Variants in CCDC186 observed in about 807,000 individuals in gnomAD.
The protein encoded by CCDC186 is coiled-coil domain containing 186.
Under a neutral mutation model 113.7 loss-of-function variants are expected in CCDC186, and 49 were observed. The observed-to-expected ratio is 0.43, with a 90% CI of 0.34 to 0.55. The LOEUF is 0.55. Among genes scored for constraint, CCDC186 ranks in the 20% least tolerant of loss-of-function variants. The probability of loss-of-function intolerance (pLI) is 0.02; values close to 1 mark genes in which losing one functional copy is unlikely to be tolerated. For missense variants in CCDC186, 890 were observed against 1,011.1 expected, an observed-to-expected ratio of 0.88 and a Z score of 1.62; for synonymous variants, 355 against 345.8, an observed-to-expected ratio of 1.03 and a Z score of -0.30.
Position 114,135,026 on chromosome 10 carries a change from T to A in CCDC186, c.1542A>T (p.Arg514Ser), listed in dbSNP as rs930404180. The A allele has an allele frequency of 9.9e-6, 16 of 1,609,968 alleles. No individual in the cohort carries two copies. Among genetic ancestry groups the A allele is most frequent in the African/African-American group, 1.3e-5 (1 of 74,806 alleles). Residue 514 changes from arginine to serine, a missense_variant, in exon 10 of 16, where the codon AGA becomes AGT. Physicochemically the swap from Arg to Ser is moderately radical, Grantham distance 110 (BLOSUM62 -1). Transcript: ENST00000369287. The stretch of plus-strand genomic sequence containing the variant: ...TATATTTTGATAATTCATCTTCTGT[T>A]CTTAATCGTTCATCTTCTAGACATT... The part of the protein sequence containing the change: ...KVKCLEDERL[R>S]TEDELSKYKE...
intron 1 of CCDC186, chr10:114,166,000 T>C (rs969652433): frequency 7.6e-6 from 7 of 926,310 alleles, no homozygotes; most frequent in African/African-American, 7.2e-5. Flanking sequence ...CCTGTCTTAA[T>C]TTCTGGAATA....
At position 114,125,783 on chromosome 10, in the gene CCDC186, C is replaced by A. The variant is rs1041431684; in HGVS notation, c.2613+103G>T. On this transcript the variant is annotated intron_variant, in intron 15 of 15. Coordinates refer to ENST00000369287, the MANE Select transcript of CCDC186 (RefSeq NM_018017.4). ...CTTCATCTTTGGGTAAAATGACTGC[C>A]TTGCATTACAGAAACAGCCCAGCTG... 2.3e-5 allele frequency: 20 copies of A among 875,178 alleles called. No individual in the cohort carries two copies. The African/African-American group carries it at 3.0e-4, about 13-fold the overall frequency. The allele number at this position is 875,178 out of a possible 1,614,324, so 54.2% of individuals were successfully genotyped here.
At chr10:114,173,570 C>G (rs182682894) in intron 1 of CCDC186, among the ~76,000 whole-genome samples, 30 of 152,308 alleles carry the variant, frequency 2.0e-4, no homozygotes, top group Middle Eastern at 3.4e-3. Context: ...AAGAGGGTAA[C>G]AAGTCTTCAC....
At chr10:114,125,848 T>C in intron 15 of CCDC186, 38 bp downstream of exon 15, 2 of 1,560,826 alleles carry the variant, frequency 1.3e-6, no homozygotes, top group African/African-American at 1.4e-5. Context: ...CATTTTGCCA[T>C]GTTTACTGGT....
In CCDC186 at chr10:114,132,105, C is replaced by T. The variant is rs141737793; in HGVS notation, c.1735G>A (p.Glu579Lys). 48 of 1,613,134 alleles carry T rather than the reference C, an allele frequency of 3.0e-5. No homozygotes were observed. In the African/African-American group the frequency reaches 3.7e-4, roughly 13 times the overall value. ...TCAGATTCTCTTTTCCTACTGCCTTCGATGTCTTTTTGTAGGTCATTAATC... is the reference window on the plus strand; with the variant it reads ...TCAGATTCTCTTTTCCTACTGCCTTTGATGTCTTTTTGTAGGTCATTAATC... Reference protein sequence around the residue: ...SLINDLQKDIEGSRKRESELL... With the variant: ...SLINDLQKDIKGSRKRESELL... Residue 579 changes from glutamate to lysine, a missense_variant, in exon 11 of 16, where the codon GAA becomes AAA. Coordinates refer to ENST00000369287, the MANE Select transcript of CCDC186 (RefSeq NM_018017.4).
intron 10 of CCDC186, among the ~76,000 whole-genome samples, chr10:114,133,337 G>C (rs2031153244): frequency 1.3e-5 from 2 of 152,164 alleles, no homozygotes; most frequent in African/African-American, 4.8e-5. Flanking sequence ...ACAGTCACAT[G>C]GATGCTGCAC....
At position 114,122,237 on chromosome 10, in the gene CCDC186, T is replaced by G. The variant is rs1284400148; in HGVS notation, c.*2906A>C. 2 of 148,980 alleles carry G rather than the reference T, an allele frequency of 1.3e-5. No homozygotes were observed. The highest frequency in any genetic ancestry group is 2.4e-5 in the African/African-American group (1 of 41,316). The allele number at this position is 148,980 out of a possible 1,614,324, so 9.2% of individuals were successfully genotyped here. ...ATAGGTTTTCAATAAATGTGTTTAT[T>G]AAATAAATAAATAACATGTTGGTAG... On this transcript the variant is annotated 3_prime_UTR_variant, in exon 16 of 16. Transcript: ENST00000369287.
chr10:114,141,736 T>C (rs2119754559), intron 6 of CCDC186, among the ~76,000 whole-genome samples: 1 of 152,226 alleles, frequency 6.6e-6, no homozygotes, highest in African/African-American at 2.4e-5. Flanking sequence ...TTGTTGTATT[T>C]TTCTCTTTTC....
rs1486675513 is a variant in CCDC186 at position 114,122,982 on chromosome 10, T to C, written c.*2161A>G. 1 of 152,260 alleles carries C rather than the reference T, an allele frequency of 6.6e-6. No homozygotes were observed. Among genetic ancestry groups the C allele is most frequent in the Non-Finnish European group, 1.5e-5 (1 of 68,024 alleles). The allele number at this position is 152,260 out of a possible 1,614,324, so 9.4% of individuals were successfully genotyped here. A position where few individuals can be genotyped will look rare whatever the true frequency, so the allele number is the denominator to read the frequency against. The stretch of plus-strand genomic sequence containing the variant: ...TGTGCATTTTTGTCTAAAATGTATA[T>C]ACATTTTAAAGTGTATAGGCATAGG... On this transcript the variant is annotated 3_prime_UTR_variant, in exon 16 of 16. Transcript: ENST00000369287.
At chr10:114,137,963 G>A (rs2031321974) in intron 6 of CCDC186, among the ~76,000 whole-genome samples, 1 of 136,650 alleles carries the variant, frequency 7.3e-6, no homozygotes, top group African/African-American at 2.7e-5. Context: ...CTTGAACCCA[G>A]GAGGCGGAGG....
chr10:114,167,748 C>T (rs567021488), intron 1 of CCDC186, among the ~76,000 whole-genome samples: 40 of 143,100 alleles, frequency 2.8e-4, no homozygotes, highest in African/African-American at 9.1e-4. Context: ...GGATTTATTG[C>T]GCCCAGGAGT....
intron 6 of CCDC186, among the ~76,000 whole-genome samples, chr10:114,140,693 T>C (rs1180960852): frequency 6.6e-6 from 1 of 152,210 alleles, no homozygotes; most frequent in Non-Finnish European, 1.5e-5. Flanking sequence ...TCTTGTCCTC[T>C]GCAGTTTTTA....
chr10:114,150,805 C>T (rs11598833), intron 4 of CCDC186, among the ~76,000 whole-genome samples: 12,203 of 152,138 alleles, frequency 0.08, 578 homozygotes, highest in Middle Eastern at 0.14. Flanking sequence ...TGCGCCACCA[C>T]GTCTGGCTAA....
intron 2 of CCDC186, among the ~76,000 whole-genome samples, chr10:114,158,728 A>G (rs189250471): frequency 2.0e-5 from 3 of 152,254 alleles, no homozygotes; most frequent in Non-Finnish European, 4.4e-5. Context: ...ATTAACAGCA[A>G]AACAAAACTG....
At chr10:114,147,827 T>C (rs2031692307) in intron 4 of CCDC186, among the ~76,000 whole-genome samples, 1 of 151,620 alleles carries the variant, frequency 6.6e-6, no homozygotes, top group Non-Finnish European at 1.5e-5. Context: ...ATAGACAAGG[T>C]GAAATATTAT....
intron 1 of CCDC186, among the ~76,000 whole-genome samples, chr10:114,164,891 G>T (rs1276197669): frequency 1.3e-5 from 2 of 152,178 alleles, no homozygotes; most frequent in African/African-American, 4.8e-5. Flanking sequence ...ATTTTGTTAA[G>T]AACAAATCAT....
In CCDC186 at chr10:114,137,221, G is replaced by C. The variant is rs781536227; in HGVS notation, c.1291C>G (p.Arg431Gly). The C allele has an allele frequency of 1.2e-5, 19 of 1,613,132 alleles. No homozygotes were observed. The highest frequency in any genetic ancestry group is 1.5e-5 in the Non-Finnish European group (18 of 1,179,646). Residue 431 changes from arginine to glycine, a missense_variant, in exon 7 of 16, where the codon CGA (arginine) becomes GGA (glycine). Coordinates refer to ENST00000369287, the MANE Select transcript of CCDC186 (RefSeq NM_018017.4). ...TTTATCATATCCTGACAGTTTTTTC[G>C]TATCTGATCTGCTTCTTCCTTTGCT... ...TQAKEEADQI[R>G]KNCQDMIKTY...
intron 6 of CCDC186, among the ~76,000 whole-genome samples, chr10:114,144,071 G>T (rs1205619296): frequency 6.6e-6 from 1 of 151,686 alleles, no homozygotes; most frequent in African/African-American, 2.4e-5. Flanking sequence ...TATATTTTTT[G>T]AGTATAAAAT....
In CCDC186 at chr10:114,127,519, T is replaced by C. The variant is rs767718072; in HGVS notation, c.2335A>G (p.Ile779Val). 1.2e-6 allele frequency: 2 copies of C among 1,614,114 alleles called. No homozygotes were observed. Among genetic ancestry groups the C allele is most frequent in the Non-Finnish European group, 1.7e-6 (2 of 1,179,992 alleles). The change falls in exon 14 of 16, where the codon ATA (isoleucine) becomes GTA (valine). Residue 779 changes from isoleucine to valine, a missense_variant. Ile to Val is a conservative substitution (Grantham distance 29). Coordinates refer to ENST00000369287, the MANE Select transcript of CCDC186 (RefSeq NM_018017.4). ...TTGATGTGGTCCTCCATAAATTCTA[T>C]CTTTTCATTTTTCCGGGCATGTGCT... Reference protein sequence around the residue: ...QKAHARKNEKIEFMEDHIKQL... With the variant: ...QKAHARKNEKVEFMEDHIKQL...
Sources: gnomAD v4.1 joint callset for allele counts (sites outside exome capture counted in the v4.1 genomes callset) on GRCh38, gnomAD v4.1.1 for gene constraint, MANE v1.5 for transcripts, NCBI Gene and HGNC (gene_info 2026-07-23, HGNC 2026-07-21) for gene names.